Variants in CDIN1 observed in about 807,000 individuals in gnomAD.
The protein encoded by CDIN1 is CDAN1 interacting nuclease 1, also known as CDAN1-interacting nuclease 1.
In CDIN1, 33 loss-of-function variants were observed where a neutral mutation model predicts 45.3. The ratio of observed to expected loss-of-function variants is 0.73; its 90% CI spans 0.55 to 0.97. The LOEUF (loss-of-function observed/expected upper bound fraction) is 0.97, where lower values mean the gene tolerates loss of function less well. Ranked by LOEUF, CDIN1 falls within the 50% of genes least tolerant of loss-of-function variation. The pLI, the probability that CDIN1 is intolerant of heterozygous loss-of-function variation, is 0.00. For missense variants in CDIN1, 303 were observed against 339.4 expected (o/e 0.89, Z 0.84); for synonymous variants, 118 against 124.4 (o/e 0.95, Z 0.34).
At chr15:36,786,443 CCT>C (rs1352327519) in intron 10 of CDIN1, among the ~76,000 whole-genome samples, 2 of 152,080 alleles carry the variant, frequency 1.3e-5, no homozygotes, top group Non-Finnish European at 2.9e-5. Context: ...GTGTACTTCC[CCT>C]GAGTGGACAC....
intron 1 of CDIN1, among the ~76,000 whole-genome samples, chr15:36,605,503 G>A (rs1434536680): frequency 2.0e-5 from 3 of 152,154 alleles, no homozygotes; most frequent in South Asian, 2.1e-4. Flanking sequence ...AGGTTTCCGC[G>A]TTAGCTGGAA....
At chr15:36,771,290 A>T (rs2054070338) in intron 10 of CDIN1, among the ~76,000 whole-genome samples, 1 of 152,212 alleles carries the variant, frequency 6.6e-6, no homozygotes, top group Non-Finnish European at 1.5e-5. Flanking sequence ...ACCATGGCAC[A>T]TGTATACCTA....
In CDIN1 at chr15:36,793,351, G is replaced by A. The variant is rs190091495; in HGVS notation, c.717-14973G>A. Among the ~76,000 whole-genome samples the A allele has an allele frequency of 2.1e-3, 317 of 152,240 alleles. 1 individual carries two copies. The highest frequency in any genetic ancestry group is 3.7e-3 in the Non-Finnish European group (253 of 68,020). On this transcript the variant is annotated intron_variant, in intron 10 of 10. Coordinates refer to ENST00000566621, the MANE Select transcript of CDIN1 (RefSeq NM_001321759.2). The stretch of plus-strand genomic sequence containing the variant: ...TATTCTGCAGTGAGGGTGAGGGGGA[G>A]AGAGCATTACAAGCTGACAAGAGCA...
At chr15:36,664,704 G>A (rs749711166) in intron 5 of CDIN1, among the ~76,000 whole-genome samples, 17 of 151,996 alleles carry the variant, frequency 1.1e-4, no homozygotes, top group Non-Finnish European at 1.8e-4. Context: ...CCACCACCAC[G>A]CTTGGCTAAT....
intron 5 of CDIN1, chr15:36,658,175 G>A (rs553489250): frequency 8.9e-4 from 267 of 299,462 alleles, no homozygotes; most frequent in Non-Finnish European, 1.2e-3. Context: ...ATTCATCTTC[G>A]TATATAGAAT....
chr15:36,754,785 A>G (rs188203954), intron 10 of CDIN1, among the ~76,000 whole-genome samples: 91 of 152,280 alleles, frequency 6.0e-4, no homozygotes, highest in Non-Finnish European at 1.1e-3. Flanking sequence ...GAACAGTATT[A>G]ACAATTATAG....
intron 5 of CDIN1, among the ~76,000 whole-genome samples, chr15:36,659,160 C>A (rs897512476): frequency 7.2e-5 from 11 of 152,092 alleles, no homozygotes; most frequent in African/African-American, 2.7e-4. Context: ...GGTAGACTGG[C>A]CTATATAGAG....
intron 5 of CDIN1, among the ~76,000 whole-genome samples, chr15:36,659,971 T>TTC (rs1555390767): frequency 4.2e-5 from 6 of 144,358 alleles, no homozygotes; most frequent in Admixed American, 2.1e-4. Context: ...CTTTTCTTTT[T>TTC]TTTTTTTTTT....
intron 10 of CDIN1, among the ~76,000 whole-genome samples, chr15:36,802,888 T>C (rs1223729777): frequency 2.0e-5 from 3 of 152,308 alleles, no homozygotes; most frequent in Non-Finnish European, 2.9e-5. Context: ...TGAAGTACCA[T>C]TTTTAAAACA....
At chr15:36,766,660 CTGA>C (rs2053933947) in intron 10 of CDIN1, among the ~76,000 whole-genome samples, 1 of 152,148 alleles carries the variant, frequency 6.6e-6, no homozygotes, top group Admixed American at 6.5e-5. Flanking sequence ...GTGCAATTTT[CTGA>C]TGATTAGTCA....
intron 3 of CDIN1, among the ~76,000 whole-genome samples, chr15:36,651,653 A>G (rs1566868112): frequency 6.6e-6 from 1 of 151,860 alleles, no homozygotes; most frequent in African/African-American, 2.4e-5. Flanking sequence ...TGTATGTGGC[A>G]CCTCACTAGG....
chr15:36,806,234 T>C (rs1299026125), intron 10 of CDIN1, among the ~76,000 whole-genome samples: 2 of 152,178 alleles, frequency 1.3e-5, no homozygotes, highest in Non-Finnish European at 2.9e-5. Flanking sequence ...TCCATTTTCT[T>C]GAGCACTGAG....
chr15:36,610,012 CA>C (rs1286487752), intron 1 of CDIN1, among the ~76,000 whole-genome samples: 5 of 152,198 alleles, frequency 3.3e-5, no homozygotes, highest in African/African-American at 1.2e-4. Context: ...TCTGACATAT[CA>C]AAGTAGGGCA....
chr15:36,694,260 G>A (rs1423988189), intron 7 of CDIN1, among the ~76,000 whole-genome samples: 3 of 152,170 alleles, frequency 2.0e-5, no homozygotes, highest in Non-Finnish European at 2.9e-5. Context: ...CACTTGCATA[G>A]ATGTTTCCTA....
intron 5 of CDIN1, among the ~76,000 whole-genome samples, chr15:36,682,851 C>T (rs1293406901): frequency 6.6e-6 from 1 of 150,500 alleles, no homozygotes; most frequent in African/African-American, 2.4e-5. Flanking sequence ...CAAGTTGACA[C>T]ATAAAATTTA....
Position 36,579,697 on chromosome 15 carries a change from CT to C in CDIN1, c.-160del. 1 of 583,814 alleles carries C rather than the reference CT, an allele frequency of 1.7e-6. No individual in the cohort carries two copies. The highest frequency in any genetic ancestry group is 3.0e-6 in the Non-Finnish European group (1 of 333,570). 36.2% of individuals were successfully genotyped at this position (583,814 alleles called of 1,614,324 possible). A position where few individuals can be genotyped will look rare whatever the true frequency, so the allele number is the denominator to read the frequency against. On this transcript the variant is annotated 5_prime_UTR_variant, in exon 1 of 11. Transcript: ENST00000566621. ...TGGGACCGGGCGAGTCTCCGCCCCG[CT>C]TTTGCAGCTAGGGGTGTGTTTCAGG...
At chr15:36,719,203 A>G (rs1158732206) in intron 10 of CDIN1, among the ~76,000 whole-genome samples, 2 of 152,116 alleles carry the variant, frequency 1.3e-5, no homozygotes, top group African/African-American at 2.4e-5. Context: ...TAGCCTGGGC[A>G]GTAGAGTGAG....
intron 10 of CDIN1, among the ~76,000 whole-genome samples, chr15:36,732,003 A>AT: frequency 6.6e-6 from 1 of 152,320 alleles, no homozygotes; most frequent in Middle Eastern, 3.4e-3. Context: ...TCACAGTAGT[A>AT]TTGTAAAACA....
chr15:36,582,670 C>A (rs903720672), intron 1 of CDIN1, among the ~76,000 whole-genome samples: 1 of 152,188 alleles, frequency 6.6e-6, no homozygotes, highest in African/African-American at 2.4e-5. Context: ...GACTCCAAGT[C>A]CACAGCCACA....
Sources: gnomAD v4.1 joint callset for allele counts (sites outside exome capture counted in the v4.1 genomes callset) on GRCh38, gnomAD v4.1.1 for gene constraint, MANE v1.5 for transcripts, NCBI Gene and HGNC (gene_info 2026-07-23, HGNC 2026-07-21) for gene names.